The following MAPKAP1 variants were observed in gnomAD, a reference collection of about 807,000 sequenced individuals.
The protein encoded by MAPKAP1 is MAPK associated protein 1.
MAPKAP1 carries 20 observed loss-of-function variants against 65.7 expected under a neutral mutation model. The observed-to-expected ratio is 0.30, with a 90% CI of 0.21 to 0.44. The LOEUF is 0.44. Ranked by LOEUF, MAPKAP1 falls within the 20% of genes least tolerant of loss-of-function variation. MAPKAP1 has a pLI of 1.00. For synonymous variants in MAPKAP1, 222 were observed against 244.3 expected, an observed-to-expected ratio of 0.91 and a Z score of 0.85; for missense variants, 423 against 648.0, an observed-to-expected ratio of 0.65 and a Z score of 3.77.
At chr9:125,654,701 C>T (rs977356049) in intron 4 of MAPKAP1, among the ~76,000 whole-genome samples, 3 of 152,140 alleles carry the variant, frequency 2.0e-5, no homozygotes, top group Non-Finnish European at 4.4e-5. Flanking sequence ...TAATTTAGCA[C>T]AACAGCTAAG....
rs1437713470 is a variant in MAPKAP1, at chr9:125,622,713, G to C, written c.498+34938C>G. On this transcript the variant is annotated intron_variant, in intron 4 of 11. Coordinates refer to ENST00000265960, the MANE Select transcript of MAPKAP1 (RefSeq NM_001006617.3). ...CCCATCTTGGCCTCCCAAAGTGCTG[G>C]GATTACAGGCATGAGCCACTACACC... Among the ~76,000 whole-genome samples the C allele has an allele frequency of 3.3e-5, 5 of 151,626 alleles. No homozygotes were observed. The East Asian group carries it at 9.7e-4, about 29-fold the overall frequency.
At chr9:125,493,533 G>C (rs745433300) in intron 8 of MAPKAP1, among the ~76,000 whole-genome samples, 73 of 152,228 alleles carry the variant, frequency 4.8e-4, no homozygotes, top group Non-Finnish European at 8.7e-4. Flanking sequence ...TGGAACAAGT[G>C]AAGTGTGATG....
chr9:125,665,484 C>T (rs1215629383), intron 3 of MAPKAP1, among the ~76,000 whole-genome samples: 1 of 151,978 alleles, frequency 6.6e-6, no homozygotes, highest in Non-Finnish European at 1.5e-5. Flanking sequence ...GAGAACCACC[C>T]CCTGACCCCA....
intron 4 of MAPKAP1, among the ~76,000 whole-genome samples, chr9:125,623,746 G>A (rs1832988642): frequency 7.0e-5 from 4 of 57,194 alleles, no homozygotes; most frequent in African/African-American, 1.7e-4. Context: ...CGCCCCATCC[G>A]GGAGGGAGGT....
chr9:125,652,004 T>C, intron 4 of MAPKAP1: 1 of 732,780 alleles, frequency 1.4e-6, no homozygotes. Context: ...CAAACGTAGT[T>C]TAACATATTA....
At chr9:125,695,055 T>C (rs1835343158) in intron 1 of MAPKAP1, among the ~76,000 whole-genome samples, 1 of 152,232 alleles carries the variant, frequency 6.6e-6, no homozygotes, top group South Asian at 2.1e-4. Context: ...ATTGTGTTTG[T>C]TGACTGTGTT....
At chr9:125,608,549 A>G (rs942749602) in intron 4 of MAPKAP1, among the ~76,000 whole-genome samples, 6 of 152,212 alleles carry the variant, frequency 3.9e-5, no homozygotes, top group African/African-American at 9.6e-5. Flanking sequence ...GATAAAGAAG[A>G]TATTTGTACT....
chr9:125,528,847 CAAAAAAAA>C (rs61378848), intron 7 of MAPKAP1, among the ~76,000 whole-genome samples: 1 of 44,124 alleles, frequency 2.3e-5, no homozygotes, highest in Non-Finnish European at 3.9e-5. Context: ...GACTCCGTCT[CAAAAAAAA>C]AAAAAAAAAA....
intron 11 of MAPKAP1, among the ~76,000 whole-genome samples, chr9:125,443,836 C>T (rs1412068332): frequency 1.3e-5 from 2 of 152,046 alleles, no homozygotes; most frequent in Non-Finnish European, 2.9e-5. Context: ...GGGTTCAGCT[C>T]TCCCTGCCTC....
chr9:125,667,389 A>G (rs1834370574), intron 3 of MAPKAP1, among the ~76,000 whole-genome samples: 1 of 152,160 alleles, frequency 6.6e-6, no homozygotes, highest in Non-Finnish European at 1.5e-5. Flanking sequence ...GCGCGATTTT[A>G]GCTCCCTGCA....
chr9:125,485,831 A>G (rs1854485411), intron 8 of MAPKAP1, among the ~76,000 whole-genome samples: 1 of 152,140 alleles, frequency 6.6e-6, no homozygotes. Flanking sequence ...TTGCTGTATG[A>G]TCTTGGGCAA....
intron 7 of MAPKAP1, among the ~76,000 whole-genome samples, chr9:125,511,214 T>C (rs937400478): frequency 7.9e-5 from 12 of 151,982 alleles, no homozygotes. Context: ...CAGACTGTAA[T>C]AATACTAAGT....
chr9:125,649,813 A>AG (rs1833841570), intron 4 of MAPKAP1, among the ~76,000 whole-genome samples: 1 of 151,844 alleles, frequency 6.6e-6, no homozygotes, highest in African/African-American at 2.4e-5. Context: ...AAAAAAAAAA[A>AG]AAAAGAAAAG....
At chr9:125,520,014 C>T (rs916809287) in intron 7 of MAPKAP1, among the ~76,000 whole-genome samples, 38 of 152,142 alleles carry the variant, frequency 2.5e-4, no homozygotes, top group Non-Finnish European at 8.8e-5. Context: ...CAGACCCCAG[C>T]ACATTTGAGA....
intron 4 of MAPKAP1, among the ~76,000 whole-genome samples, chr9:125,645,736 CAAAA>C (rs1044199278): frequency 1.8e-5 from 1 of 54,058 alleles, no homozygotes; most frequent in Admixed American, 2.0e-4. Context: ...GACTCTGTCT[CAAAA>C]AAAAAAAAAA....
chr9:125,473,386 C>T (rs1035592673), intron 9 of MAPKAP1, among the ~76,000 whole-genome samples: 2 of 152,162 alleles, frequency 1.3e-5, no homozygotes, highest in African/African-American at 4.8e-5. Context: ...CCTTTTCATG[C>T]TCCCACTTCT....
intron 5 of MAPKAP1, among the ~76,000 whole-genome samples, chr9:125,576,895 T>C (rs1213144142): frequency 6.6e-6 from 1 of 152,106 alleles, no homozygotes; most frequent in Non-Finnish European, 1.5e-5. Context: ...GCCGCCTGCC[T>C]TGGCCTCCCA....
At chr9:125,598,252 G>T (rs1240869089) in intron 4 of MAPKAP1, among the ~76,000 whole-genome samples, 1 of 152,128 alleles carries the variant, frequency 6.6e-6, no homozygotes, top group African/African-American at 2.4e-5. Flanking sequence ...GCTTGGCTTT[G>T]TAGTGCTATC....
At chr9:125,450,074 C>A (rs960150968) in intron 10 of MAPKAP1, among the ~76,000 whole-genome samples, 10 of 152,008 alleles carry the variant, frequency 6.6e-5, no homozygotes, top group African/African-American at 2.2e-4. Context: ...AGGTACCCCC[C>A]ACCATGCCCG....
Sources: gnomAD v4.1 joint callset for allele counts (sites outside exome capture counted in the v4.1 genomes callset) on GRCh38, gnomAD v4.1.1 for gene constraint, MANE v1.5 for transcripts, NCBI Gene and HGNC (gene_info 2026-07-23, HGNC 2026-07-21) for gene names.